Variants in DENND2C observed in about 807,000 individuals in gnomAD.
The protein encoded by DENND2C is DENN domain containing 2C, also known as DENN domain-containing protein 2C.
DENND2C carries 72 observed loss-of-function variants against 112.4 expected under a neutral mutation model. That is an observed-to-expected ratio of 0.64 (90% CI 0.53 to 0.78). DENND2C has a LOEUF of 0.78. Among genes scored for constraint, DENND2C ranks in the 30% least tolerant of loss-of-function variants. DENND2C has a pLI of 0.00. For synonymous variants in DENND2C, 329 were observed against 381.6 expected (o/e 0.86, Z 1.61); for missense variants, 992 against 1,113.8 (o/e 0.89, Z 1.56).
intron 3 of DENND2C, 42 bp from the exon 4 acceptor site, chr1:114,626,230 T>G (rs988295707): frequency 5.1e-6 from 2 of 393,164 alleles, no homozygotes; most frequent in African/African-American, 4.0e-5. Context: ...ATTTTATAAT[T>G]TCCTAATTTA....
At chr1:114,586,171 T>G (rs1023808459) in intron 20 of DENND2C, among the ~76,000 whole-genome samples, 2 of 152,338 alleles carry the variant, frequency 1.3e-5, no homozygotes, top group African/African-American at 2.4e-5. Context: ...TTCTCTTGTA[T>G]CATACTAATT....
rs1332576190 is a variant in DENND2C at position 114,600,805 on chromosome 1, A to C, written c.1956+15T>G. 7 of 1,604,972 alleles carry C rather than the reference A, an allele frequency of 4.4e-6. No homozygotes were observed. The highest frequency in any genetic ancestry group is 5.9e-6 in the Non-Finnish European group (7 of 1,176,664). On this transcript the variant is annotated intron_variant, in intron 14 of 20. Transcript: ENST00000393274. ...TTTTAGTGCTATCAAATCTTTTCAA[A>C]ATGAGCTAACTTACCTCATCTCCAG...
Position 114,587,787 on chromosome 1 carries a change from T to C in DENND2C, c.2597A>G (p.Asp866Gly). The C allele has an allele frequency of 1.2e-6, 2 of 1,614,116 alleles. No homozygotes were observed. The highest frequency in any genetic ancestry group is 8.5e-7 in the Non-Finnish European group (1 of 1,180,020). ...HTSRSVRHFL[D>G]LFMETQMFAG... Reference sequence around the variant, plus strand: ...AAACATCTGAGTTTCCATGAAGAGATCCAGGAAGTGGCGTACACTTCGGGA... The same window carrying C: ...AAACATCTGAGTTTCCATGAAGAGACCCAGGAAGTGGCGTACACTTCGGGA... The change falls in exon 19 of 21, where the codon GAT becomes GGT. Residue 866 changes from aspartate to glycine, a missense_variant. Physicochemically the swap from Asp to Gly is moderately conservative, Grantham distance 94. Transcript: ENST00000393274.
chr1:114,608,596 T>C (rs183789689), intron 10 of DENND2C, 90 bp downstream of exon 10: 3 of 1,416,494 alleles, frequency 2.1e-6, no homozygotes, highest in Non-Finnish European at 2.9e-6. Flanking sequence ...TAAAAACTTG[T>C]TGAGATAACA....
At chr1:114,667,856 G>T (rs930276571) in intron 1 of DENND2C, among the ~76,000 whole-genome samples, 2 of 152,058 alleles carry the variant, frequency 1.3e-5, no homozygotes, top group African/African-American at 4.8e-5. Flanking sequence ...ACCTCTCTAT[G>T]CCTCTTAATG....
At chr1:114,607,364 C>T (rs1044990473) in intron 10 of DENND2C, among the ~76,000 whole-genome samples, 16 of 152,338 alleles carry the variant, frequency 1.1e-4, no homozygotes, top group Admixed American at 1.0e-3. Context: ...ACACTGGTCA[C>T]CTGCTCTGAA....
At chr1:114,623,422 T>A (rs1339533853) in intron 5 of DENND2C, 85 bp downstream of exon 5, 4 of 1,353,042 alleles carry the variant, frequency 3.0e-6, no homozygotes, top group Non-Finnish European at 4.1e-6. Context: ...ATATGCTTGA[T>A]TATAGAAGAA....
intron 3 of DENND2C, among the ~76,000 whole-genome samples, chr1:114,641,171 C>T (rs1293991960): frequency 6.7e-6 from 1 of 150,370 alleles, no homozygotes; most frequent in East Asian, 2.0e-4. Flanking sequence ...TAGCTCATGC[C>T]TGTAATCCCA....
At chr1:114,646,991 C>G (rs746337294) in intron 2 of DENND2C, among the ~76,000 whole-genome samples, 8 of 152,060 alleles carry the variant, frequency 5.3e-5, no homozygotes, top group Non-Finnish European at 1.0e-4. Context: ...GAAACCCTGT[C>G]TCTACTAAAA....
At chr1:114,600,428 A>G in intron 14 of DENND2C, 76 bp from the exon 15 acceptor site, 1 of 1,547,482 alleles carries the variant, frequency 6.5e-7, no homozygotes, top group South Asian at 1.2e-5. Context: ...GGATCCTGTT[A>G]TTCTTATATA....
chr1:114,634,059 G>A (rs1656579002), intron 3 of DENND2C, among the ~76,000 whole-genome samples: 1 of 152,136 alleles, frequency 6.6e-6, no homozygotes, highest in Non-Finnish European at 1.5e-5. Flanking sequence ...GGTAATAGGT[G>A]CAATTCATCA....
rs781268402 is a variant in DENND2C, at chr1:114,583,731, C to G, written c.*1869G>C. On this transcript the variant is annotated 3_prime_UTR_variant, in exon 21 of 21. Coordinates refer to ENST00000393274, the MANE Select transcript of DENND2C (RefSeq NM_001256404.2). ...CTGAGGCAGGAGAATTGCTTGAAGCCGGGAGGCGGAGGTTGCAGTGAGCCG... is the reference window on the plus strand; with the variant it reads ...CTGAGGCAGGAGAATTGCTTGAAGCGGGGAGGCGGAGGTTGCAGTGAGCCG... 6.9e-6 allele frequency: 1 copy of G among 144,942 alleles called. No homozygotes were observed. The highest frequency in any genetic ancestry group is 2.6e-5 in the African/African-American group (1 of 39,024). The allele number at this position is 144,942 out of a possible 1,614,324, so 9.0% of individuals were successfully genotyped here.
chr1:114,626,727 G>C (rs1457551008), intron 3 of DENND2C, among the ~76,000 whole-genome samples: 4 of 151,768 alleles, frequency 2.6e-5, no homozygotes, highest in Non-Finnish European at 4.4e-5. Flanking sequence ...GCCCAGGCTG[G>C]TCTTGAACTT....
chr1:114,626,150 T>A lies in DENND2C; in HGVS notation c.-166A>T. On this transcript the variant is annotated 5_prime_UTR_variant, in exon 4 of 21. Coordinates refer to ENST00000393274, the MANE Select transcript of DENND2C (RefSeq NM_001256404.2). ...GTAAAAAGAAAATTTTGATCAGTGATCCTTGTTGAAAATGGCTACAACCTG... is the reference window on the plus strand; with the variant it reads ...GTAAAAAGAAAATTTTGATCAGTGAACCTTGTTGAAAATGGCTACAACCTG... 2 of 661,866 alleles carry A rather than the reference T, an allele frequency of 3.0e-6. No individual in the cohort carries two copies. Among genetic ancestry groups the A allele is most frequent in the Non-Finnish European group, 4.9e-6 (2 of 411,942 alleles). 41.0% of individuals were successfully genotyped at this position (661,866 alleles called of 1,614,324 possible). A position where few individuals can be genotyped will look rare whatever the true frequency, so the allele number is the denominator to read the frequency against.
chr1:114,608,725 T>A lies in DENND2C; in HGVS notation c.1518A>T (p.Ile506=). 6.2e-7 allele frequency: 1 copy of A among 1,614,194 alleles called. No homozygotes were observed. Among genetic ancestry groups the A allele is most frequent in the Non-Finnish European group, 8.5e-7 (1 of 1,180,038 alleles). Residue 506 remains isoleucine, a synonymous_variant, in exon 10 of 21, where the codon ATA becomes ATT. Coordinates refer to ENST00000393274, the MANE Select transcript of DENND2C (RefSeq NM_001256404.2). ...VVSLQKKPSG[I]SYIPQVIQQF... ...GTTGTATGACCTGGGGAATATAGCT[T>A]ATTCCTGATGGTTTCTTCTGTAGAG...
At chr1:114,633,716 G>GT (rs1236408893) in intron 3 of DENND2C, among the ~76,000 whole-genome samples, 3 of 152,028 alleles carry the variant, frequency 2.0e-5, no homozygotes, top group African/African-American at 7.2e-5. Context: ...CCTAAGAACG[G>GT]TAACAACAAT....
At chr1:114,647,354 A>ATGTGATT (rs1657022095) in intron 2 of DENND2C, among the ~76,000 whole-genome samples, 1 of 151,104 alleles carries the variant, frequency 6.6e-6, no homozygotes, top group Admixed American at 6.6e-5. Flanking sequence ...ATGGAGTACA[A>ATGTGATT]TGTGATTTTT....
chr1:114,660,157 A>G (rs1014579951), intron 1 of DENND2C, among the ~76,000 whole-genome samples: 1 of 152,192 alleles, frequency 6.6e-6, no homozygotes, highest in African/African-American at 2.4e-5. Context: ...CTCAACTATC[A>G]AACTCCAATG....
intron 8 of DENND2C, among the ~76,000 whole-genome samples, chr1:114,612,441 T>G (rs1254839971): frequency 1.3e-5 from 2 of 150,156 alleles, no homozygotes; most frequent in Admixed American, 6.7e-5. Context: ...AACCTCTGCC[T>G]CCCGGACTCA....
Sources: gnomAD v4.1 joint callset for allele counts (sites outside exome capture counted in the v4.1 genomes callset) on GRCh38, gnomAD v4.1.1 for gene constraint, MANE v1.5 for transcripts, NCBI Gene and HGNC (gene_info 2026-07-23, HGNC 2026-07-21) for gene names.